The following NDUFAF2 variants were observed in gnomAD, a reference collection of about 807,000 sequenced individuals.
NDUFAF2 encodes NADH dehydrogenase [ubiquinone] 1 alpha subcomplex assembly factor 2.
In NDUFAF2, 13 loss-of-function variants were observed where a neutral mutation model predicts 22.8. That is an observed-to-expected ratio of 0.57 (90% CI 0.37 to 0.91). The LOEUF is 0.91. Ranked by LOEUF, NDUFAF2 falls within the 40% of genes least tolerant of loss-of-function variation. The pLI is 0.01. For synonymous variants in NDUFAF2, 53 were observed against 64.2 expected (o/e 0.83, Z 0.84); for missense variants, 162 against 195.2 (o/e 0.83, Z 1.01).
chr5:61,029,635 T>A (rs1298692700), intron 1 of NDUFAF2, among the ~76,000 whole-genome samples: 1 of 152,174 alleles, frequency 6.6e-6, no homozygotes, highest in African/African-American at 2.4e-5. Context: ...TTTAGAGCAT[T>A]CTGTGCTGCA....
chr5:61,090,245 C>T (rs543467167), intron 2 of NDUFAF2, among the ~76,000 whole-genome samples: 74 of 151,858 alleles, frequency 4.9e-4, no homozygotes, highest in African/African-American at 1.7e-3. Context: ...TTTAAAGGTC[C>T]GGATGGTAAA....
At chr5:61,079,426 C>T (rs1752412168) in intron 2 of NDUFAF2, among the ~76,000 whole-genome samples, 1 of 152,168 alleles carries the variant, frequency 6.6e-6, no homozygotes, top group Non-Finnish European at 1.5e-5. Flanking sequence ...GGATTTACCT[C>T]CTATTTTTCA....
At chr5:61,117,937 G>C (rs1288281058) in intron 3 of NDUFAF2, among the ~76,000 whole-genome samples, 1 of 152,136 alleles carries the variant, frequency 6.6e-6, no homozygotes, top group Non-Finnish European at 1.5e-5. Flanking sequence ...TCCTGGTAAT[G>C]ATCAATGGTT....
chr5:61,048,934 C>T (rs1751989096), intron 1 of NDUFAF2, among the ~76,000 whole-genome samples: 1 of 152,056 alleles, frequency 6.6e-6, no homozygotes, highest in African/African-American at 2.4e-5. Context: ...TTTCAGGCTG[C>T]GTGGTTATGT....
intron 1 of NDUFAF2, among the ~76,000 whole-genome samples, chr5:61,008,967 A>G (rs1751408385): frequency 6.6e-6 from 1 of 151,882 alleles, no homozygotes; most frequent in South Asian, 2.1e-4. Context: ...CTTCTATTTG[A>G]GGTTCTTAAT....
Position 61,111,978 on chromosome 5 carries a change from T to C in NDUFAF2, c.258+12946T>C, listed in dbSNP as rs373460726. 1.2e-4 allele frequency among the ~76,000 whole-genome samples: 19 copies of C among 152,144 alleles called. No homozygotes were observed. The East Asian group carries it at 1.9e-3, about 16-fold the overall frequency. ...TTCTGCATGTTGCCCAGGCTGGTCT[T>C]GAACTCTTGAGTTCAAGATGTGCCC... On this transcript the variant is annotated intron_variant, in intron 3 of 3. Coordinates refer to ENST00000296597, the MANE Select transcript of NDUFAF2 (RefSeq NM_174889.5).
chr5:61,043,807 A>G (rs762216258), intron 1 of NDUFAF2, among the ~76,000 whole-genome samples: 24 of 152,122 alleles, frequency 1.6e-4, no homozygotes, highest in Non-Finnish European at 2.5e-4. Context: ...TTGTGCTGCA[A>G]TAAACATGAG....
At chr5:60,999,609 G>A (rs922103320) in intron 1 of NDUFAF2, among the ~76,000 whole-genome samples, 1 of 152,030 alleles carries the variant, frequency 6.6e-6, no homozygotes, top group Non-Finnish European at 1.5e-5. Context: ...TTCTGTTGGG[G>A]TGGTGAGAAT....
intron 1 of NDUFAF2, among the ~76,000 whole-genome samples, chr5:60,951,934 C>G (rs1750552952): frequency 6.6e-6 from 1 of 151,306 alleles, no homozygotes; most frequent in Non-Finnish European, 1.5e-5. Context: ...TCTATTTTGT[C>G]TTAGGTGAGT....
intron 1 of NDUFAF2, among the ~76,000 whole-genome samples, chr5:61,000,862 A>C (rs986453324): frequency 1.3e-5 from 2 of 152,202 alleles, no homozygotes; most frequent in Non-Finnish European, 1.5e-5. Context: ...GACTAATTAC[A>C]GAATAACATT....
intron 1 of NDUFAF2, among the ~76,000 whole-genome samples, chr5:60,994,136 T>A (rs539975934): frequency 1.3e-5 from 2 of 152,336 alleles, no homozygotes; most frequent in Admixed American, 1.3e-4. Flanking sequence ...ACTGCCCTGA[T>A]CATGGCACAC....
intron 1 of NDUFAF2, among the ~76,000 whole-genome samples, chr5:61,025,198 C>T (rs371944726): frequency 2.0e-5 from 3 of 152,020 alleles, no homozygotes; most frequent in African/African-American, 7.2e-5. Context: ...GTATTCTGCA[C>T]ATCTCCATAA....
rs16878514 is a variant in NDUFAF2 at position 61,016,299 on chromosome 5, C to T, written c.128-56826C>T. Among the ~76,000 whole-genome samples the T allele has an allele frequency of 7.1e-3, 1,083 of 151,982 alleles. 16 individuals are homozygous for T. The highest frequency in any genetic ancestry group is 0.025 in the African/African-American group (1,035 of 41,428). ...TATAAAATTCAAAAAGGACCAAAGG[C>T]GGCAGAGGAAGGGAGTGGTATGTTA... On this transcript the variant is annotated intron_variant, in intron 1 of 3. Coordinates refer to ENST00000296597, the MANE Select transcript of NDUFAF2 (RefSeq NM_174889.5).
chr5:61,104,508 G>A (rs186176856), intron 3 of NDUFAF2, among the ~76,000 whole-genome samples: 260 of 152,204 alleles, frequency 1.7e-3, no homozygotes, highest in Admixed American at 8.2e-3. Flanking sequence ...AGAGAATGGA[G>A]TTGGAGATGG....
intron 1 of NDUFAF2, among the ~76,000 whole-genome samples, chr5:60,977,041 T>A (rs529023171): frequency 1.3e-5 from 2 of 152,314 alleles, no homozygotes; most frequent in East Asian, 3.9e-4. Context: ...TTACTTTCTC[T>A]TAGATACTAA....
intron 1 of NDUFAF2, among the ~76,000 whole-genome samples, chr5:61,070,500 T>TA (rs1252180320): frequency 1.3e-5 from 2 of 152,020 alleles, no homozygotes; most frequent in East Asian, 3.8e-4. Context: ...TATACTTTTT[T>TA]AAAAAATCTT....
rs868675018 is a variant in NDUFAF2 at position 61,042,764 on chromosome 5, A to G, written c.128-30361A>G. Among the ~76,000 whole-genome samples the G allele has an allele frequency of 1.2e-4, 18 of 152,318 alleles. No individual in the cohort carries two copies. The Middle Eastern group carries it at 0.01, about 86-fold the overall frequency. On this transcript the variant is annotated intron_variant, in intron 1 of 3. Coordinates refer to ENST00000296597, the MANE Select transcript of NDUFAF2 (RefSeq NM_174889.5). ...AAAAATGGTTACATTCATTCAGACA[A>G]TGGGATATTATTCAGTACTAAAAAT...
chr5:61,111,870 G>A (rs949889846), intron 3 of NDUFAF2, among the ~76,000 whole-genome samples: 7 of 151,782 alleles, frequency 4.6e-5, no homozygotes, highest in Admixed American at 2.0e-4. Context: ...CGCCCGCCTC[G>A]GCCTCCCAAA....
chr5:60,974,939 C>T (rs148825712), intron 1 of NDUFAF2, among the ~76,000 whole-genome samples: 3 of 152,174 alleles, frequency 2.0e-5, no homozygotes, highest in African/African-American at 7.2e-5. Flanking sequence ...CCTCAGCCTC[C>T]CAAGTAACTG....
Sources: gnomAD v4.1 joint callset for allele counts (sites outside exome capture counted in the v4.1 genomes callset) on GRCh38, gnomAD v4.1.1 for gene constraint, MANE v1.5 for transcripts, NCBI Gene and HGNC (gene_info 2026-07-23, HGNC 2026-07-21) for gene names.